The following USP44 variants were observed in gnomAD, a reference collection of about 807,000 sequenced individuals.
USP44 encodes the protein ubiquitin specific peptidase 44, also known as ubiquitin carboxyl-terminal hydrolase 44.
USP44 carries 61 observed loss-of-function variants against 69.0 expected under a neutral mutation model. The observed-to-expected ratio is 0.88, with a 90% confidence interval of 0.72 to 1.09. USP44 has a LOEUF of 1.09. Among genes scored for constraint, USP44 ranks in the 50% least tolerant of loss-of-function variants. USP44 has a pLI of 0.00. For missense variants in USP44, 753 were observed against 849.9 expected (o/e 0.89, Z 1.42); for synonymous variants, 297 against 295.4 (o/e 1.01, Z -0.06).
At chr12:95,532,734 A>G in intron 2 of USP44, 95 bp downstream of exon 2, 1 of 1,036,084 alleles carries the variant, frequency 9.7e-7, no homozygotes, top group South Asian at 1.9e-5. Flanking sequence ...AAATGGTACT[A>G]GCTCAACACA....
At chr12:95,544,123 C>T (rs1374209405) in intron 1 of USP44, among the ~76,000 whole-genome samples, 1 of 133,720 alleles carries the variant, frequency 7.5e-6, no homozygotes, top group African/African-American at 2.9e-5. Flanking sequence ...GGCACGATCT[C>T]GGCTCACTGC....
Position 95,520,007 on chromosome 12 carries a change from C to CAAAAAAAAAAA in USP44, c.1939+979_1939+989dup, listed in dbSNP as rs56348745. Among the ~76,000 whole-genome samples the CAAAAAAAAAAA allele has an allele frequency of 4.7e-3, 163 of 34,528 alleles. 21 individuals are homozygous for CAAAAAAAAAAA. Among genetic ancestry groups the CAAAAAAAAAAA allele is most frequent in the African/African-American group, 0.013 (121 of 9,216 alleles). The allele number at this position is 34,528 out of a possible 152,430, so 22.7% of individuals were successfully genotyped here. On this transcript the variant is annotated intron_variant, in intron 5 of 5. Coordinates refer to ENST00000258499, the MANE Select transcript of USP44 (RefSeq NM_032147.5). ...CAGGGGAAAGAGTGAGACTCTGTCTCAAAAAAAAAAAAAAAAAAAAAAAAA... is the reference window on the plus strand; with the variant it reads ...CAGGGGAAAGAGTGAGACTCTGTCTCAAAAAAAAAAAAAAAAAAAAAAAAAAAAAAAAAAAA...
In USP44 at chr12:95,534,001, C is replaced by A. The variant is rs1249531718; in HGVS notation, c.256G>T (p.Val86Phe). Residue 86 changes from valine to phenylalanine, a missense_variant, in exon 2 of 6, where the codon GTT (valine) becomes TTT (phenylalanine). Val to Phe is a conservative substitution (Grantham distance 50). Transcript: ENST00000258499. ...YVFCYLCDDY[V>F]LNDNTTGDLK... Reference sequence around the variant, plus strand: ...TCTCCAGTTGTGTTATCATTCAGAACATAATCATCACAAAGGTAACAAAAA... The same window carrying A: ...TCTCCAGTTGTGTTATCATTCAGAAAATAATCATCACAAAGGTAACAAAAA... 4.3e-6 allele frequency: 7 copies of A among 1,614,038 alleles called. No individual in the cohort carries two copies. The Admixed American group carries it at 1.0e-4, about 23-fold the overall frequency.
At chr12:95,536,323 G>C (rs74487773) in intron 1 of USP44, among the ~76,000 whole-genome samples, 1 of 151,968 alleles carries the variant, frequency 6.6e-6, no homozygotes, top group Admixed American at 6.6e-5. Context: ...GATTACAAGC[G>C]TGAGCCACCG....
intron 1 of USP44, among the ~76,000 whole-genome samples, chr12:95,537,424 T>C (rs1448504289): frequency 6.6e-6 from 1 of 152,096 alleles, no homozygotes; most frequent in Non-Finnish European, 1.5e-5. Context: ...GTTCAAGCGA[T>C]TCTCCTGCCT....
rs1363302052 is a variant in USP44, at chr12:95,548,982, G to C, written c.-71+2290C>G. ...CGCCTCGTGGGGGGGTCGGGGCCAC[G>C]GACGGTCCCCGGCGCCGCAAGTGGG... is the stretch of plus-strand genomic sequence containing the variant. On this transcript the variant is annotated intron_variant, in intron 1 of 5. Coordinates refer to ENST00000258499, the MANE Select transcript of USP44 (RefSeq NM_032147.5). This position sits in a 1 kb window ranked among gnomAD's most constrained non-coding sequence, Gnocchi z 4.1. 4 of 152,078 alleles carry C rather than the reference G, an allele frequency of 2.6e-5. No individual in the cohort carries two copies. The highest frequency in any genetic ancestry group is 9.7e-5 in the African/African-American group (4 of 41,420). The allele number at this position is 152,078 out of a possible 1,614,324, so 9.4% of individuals were successfully genotyped here.
chr12:95,521,752 G>T (rs890433317), intron 4 of USP44, among the ~76,000 whole-genome samples: 1 of 152,158 alleles, frequency 6.6e-6, no homozygotes, highest in Non-Finnish European at 1.5e-5. Flanking sequence ...CTTCCAAAGC[G>T]CTGGGATTAC....
At chr12:95,537,382 T>G (rs183830789) in intron 1 of USP44, among the ~76,000 whole-genome samples, 1 of 152,082 alleles carries the variant, frequency 6.6e-6, no homozygotes, top group African/African-American at 2.4e-5. Context: ...GCAGGGGTGC[T>G]ATCTTAGCTC....
intron 1 of USP44, among the ~76,000 whole-genome samples, chr12:95,542,693 C>T (rs7136096): frequency 0.28 from 41,422 of 150,026 alleles, 5,773 homozygotes; most frequent in Middle Eastern, 0.35. Flanking sequence ...ACCCTGGAGG[C>T]GGAGGTTGCA....
rs751961402 is a variant in USP44, at chr12:95,533,809, G to C, written c.448C>G (p.Leu150Val). The C allele has an allele frequency of 2.1e-5, 34 of 1,613,966 alleles. No homozygotes were observed. The South Asian group carries it at 3.1e-4, about 15-fold the overall frequency. The change falls in exon 2 of 6, where the codon CTT (leucine) becomes GTT (valine). Residue 150 changes from leucine to valine, a missense_variant. Leu to Val is a conservative substitution (Grantham distance 32). Coordinates refer to ENST00000258499, the MANE Select transcript of USP44 (RefSeq NM_032147.5). Reference sequence around the variant, plus strand: ...ATTAGTATCCTTCTCCTGTGCCAAAGAGCAGTATACAGTTGATCTTCACTT... The same window carrying C: ...ATTAGTATCCTTCTCCTGTGCCAAACAGCAGTATACAGTTGATCTTCACTT... Reference protein sequence around the residue: ...LQSEDQLYTALWHRRRILMGK... With the variant: ...LQSEDQLYTAVWHRRRILMGK...
At chr12:95,522,081 A>G (rs1449442942) in intron 4 of USP44, 18 of 985,328 alleles carry the variant, frequency 1.8e-5, no homozygotes, top group Non-Finnish European at 2.2e-5. Context: ...TCAGCATGGC[A>G]AGCAATGTGT....
chr12:95,538,216 A>C (rs1329161548), intron 1 of USP44, among the ~76,000 whole-genome samples: 1 of 152,156 alleles, frequency 6.6e-6, no homozygotes, highest in Non-Finnish European at 1.5e-5. Context: ...TTACTATGTG[A>C]CCATAAATTA....
chr12:95,537,579 AG>A (rs2077248953), intron 1 of USP44, among the ~76,000 whole-genome samples: 1 of 152,194 alleles, frequency 6.6e-6, no homozygotes, highest in Admixed American at 6.5e-5. Context: ...GGCCTCCCAA[AG>A]TGCTGGGATT....
In USP44 at chr12:95,541,388, C is replaced by T. The variant is rs1187502866; in HGVS notation, c.-70-7062G>A. 3.9e-5 allele frequency among the ~76,000 whole-genome samples: 6 copies of T among 152,088 alleles called. No homozygotes were observed. The East Asian group carries it at 1.2e-3, about 29-fold the overall frequency. On this transcript the variant is annotated intron_variant, in intron 1 of 5. Transcript: ENST00000258499. ...GGCAGACTGCTTGAGCTCAGGAGTT[C>T]AAGAGCAGCCTGCGCAACATAGTGA...
At position 95,534,193 on chromosome 12, in the gene USP44, G is replaced by A. The variant is rs199718448; in HGVS notation, c.64C>T (p.Leu22Phe). ...ACACAGTGCCATTTCTGAGGGTTGA[G>A]GCTGGAATGGTCTTGAGCAAGCTGC... is the stretch of plus-strand genomic sequence containing the variant. ...QLQLAQDHSS[L>F]NPQKWHCVDC... Residue 22 changes from leucine to phenylalanine, a missense_variant, in exon 2 of 6, where the codon CTC (leucine) becomes TTC (phenylalanine). By Grantham distance (22) the Leu-to-Phe change is conservative. Transcript: ENST00000258499. 4.7e-5 allele frequency: 76 copies of A among 1,614,136 alleles called. 1 individual carries two copies. In the South Asian group the frequency reaches 6.9e-4, roughly 15 times the overall value.
intron 2 of USP44, among the ~76,000 whole-genome samples, chr12:95,531,980 T>C (rs1476380248): frequency 6.6e-6 from 1 of 152,130 alleles, no homozygotes; most frequent in African/African-American, 2.4e-5. Context: ...TTTTGAGTAG[T>C]AATTAAAATA....
At chr12:95,527,851 T>TC (rs2076898607) in intron 3 of USP44, among the ~76,000 whole-genome samples, 1 of 149,242 alleles carries the variant, frequency 6.7e-6, no homozygotes, top group Non-Finnish European at 1.5e-5. Context: ...TTTTTTTTTT[T>TC]TTTTTTTGAG....
In USP44 at chr12:95,516,675, T is replaced by G. The variant is rs531111495; in HGVS notation, c.*1479A>C. 2 of 152,320 alleles carry G rather than the reference T, an allele frequency of 1.3e-5. No individual in the cohort carries two copies. Among genetic ancestry groups the G allele is most frequent in the Admixed American group, 1.3e-4 (2 of 15,292 alleles). The allele number at this position is 152,320 out of a possible 1,614,324, so 9.4% of individuals were successfully genotyped here. Reference sequence around the variant, plus strand: ...ACATAGCCATTTAATATTCCAGATGTATTTTCGGCACAAATGATTTGTCTA... The same window carrying G: ...ACATAGCCATTTAATATTCCAGATGGATTTTCGGCACAAATGATTTGTCTA... On this transcript the variant is annotated 3_prime_UTR_variant, in exon 6 of 6. Transcript: ENST00000258499.
intron 1 of USP44, among the ~76,000 whole-genome samples, chr12:95,535,591 AT>A (rs1017006410): frequency 6.6e-6 from 1 of 152,160 alleles, no homozygotes; most frequent in Non-Finnish European, 1.5e-5. Context: ...TTATAAGCTT[AT>A]TTTTTTAAAA....
Sources: allele counts gnomAD v4.1 joint callset (sites outside exome capture counted in the v4.1 genomes callset), GRCh38; gene constraint gnomAD v4.1.1; non-coding constraint Gnocchi (gnomAD v3.1); transcripts MANE v1.5; gene names NCBI Gene and HGNC (gene_info 2026-07-23, HGNC 2026-07-21).